ZBTB20: variants seen among roughly 807,000 people sequenced by gnomAD.
ZBTB20 encodes the protein zinc finger and BTB domain containing 20.
ZBTB20 carries 9 observed loss-of-function variants against 56.9 expected under a neutral mutation model. That is an observed-to-expected ratio of 0.16 (90% CI 0.10 to 0.28). The LOEUF (loss-of-function observed/expected upper bound fraction) is 0.28. Among genes scored for constraint, ZBTB20 ranks in the 10% least tolerant of loss-of-function variants. ZBTB20 has a pLI of 1.00. For missense variants in ZBTB20, 655 were observed against 1,003.0 expected (o/e 0.65, Z 4.69); for synonymous variants, 417 against 420.7 (o/e 0.99, Z 0.11).
chr3:114,551,151 T>G (rs1559948319), intron 6 of ZBTB20, among the ~76,000 whole-genome samples: 2 of 152,212 alleles, frequency 1.3e-5, no homozygotes, highest in East Asian at 3.8e-4. Flanking sequence ...AAATCGATTG[T>G]TTTTTAATCG....
intron 6 of ZBTB20, among the ~76,000 whole-genome samples, chr3:114,507,465 A>G (rs529991136): frequency 1.3e-5 from 2 of 152,326 alleles, no homozygotes; most frequent in East Asian, 3.9e-4. Context: ...TTTTTTGACT[A>G]TAAGAAAAGT....
intron 5 of ZBTB20, among the ~76,000 whole-genome samples, chr3:114,796,745 G>A (rs1401466106): frequency 2.0e-5 from 3 of 151,890 alleles, no homozygotes; most frequent in Non-Finnish European, 4.4e-5. Flanking sequence ...GTCAAAAGCA[G>A]GATGGTTTTT....
intron 5 of ZBTB20, among the ~76,000 whole-genome samples, chr3:114,789,147 G>A (rs996658218): frequency 1.3e-5 from 2 of 152,164 alleles, no homozygotes; most frequent in Non-Finnish European, 2.9e-5. Flanking sequence ...AGGATCTAAA[G>A]AGCAATTGTA....
At chr3:114,416,850 C>T (rs75653226) in intron 7 of ZBTB20, among the ~76,000 whole-genome samples, 10,658 of 151,996 alleles carry the variant, frequency 0.07, 460 homozygotes, top group East Asian at 0.18. Flanking sequence ...TTTTGTAGGT[C>T]ATTTATTTAC....
intron 7 of ZBTB20, among the ~76,000 whole-genome samples, chr3:114,450,262 G>A (rs942795116): frequency 6.6e-6 from 1 of 152,286 alleles, no homozygotes; most frequent in East Asian, 1.9e-4. Context: ...CGCATGCTCA[G>A]CAGGCAATTT....
intron 2 of ZBTB20, among the ~76,000 whole-genome samples, chr3:115,022,335 G>A (rs1350427287): frequency 1.3e-5 from 2 of 150,942 alleles, no homozygotes; most frequent in Admixed American, 6.6e-5. Flanking sequence ...ACCAAAATGA[G>A]TATTATTCTT....
intron 5 of ZBTB20, among the ~76,000 whole-genome samples, chr3:114,734,482 C>A (rs1012015417): frequency 4.0e-5 from 6 of 151,884 alleles, no homozygotes; most frequent in Admixed American, 3.3e-4. Context: ...TATTGCCATC[C>A]ATAGGTTCTT....
chr3:114,457,387 A>G (rs898441328), intron 7 of ZBTB20, among the ~76,000 whole-genome samples: 1 of 152,168 alleles, frequency 6.6e-6, no homozygotes, highest in Non-Finnish European at 1.5e-5. Context: ...ACAAAAGTGT[A>G]TATTATGGAT....
chr3:114,844,552 A>AAAAAAAAAATT (rs1560313408), intron 4 of ZBTB20, among the ~76,000 whole-genome samples: 1 of 140,832 alleles, frequency 7.1e-6, no homozygotes, highest in East Asian at 2.0e-4. Flanking sequence ...AAAAAAAAAA[A>AAAAAAAAAATT]CTTTCATTTC....
chr3:114,794,607 C>T (rs2071210018), intron 5 of ZBTB20, among the ~76,000 whole-genome samples: 1 of 152,070 alleles, frequency 6.6e-6, no homozygotes, highest in South Asian at 2.1e-4. Flanking sequence ...GCAGATAAAT[C>T]CTCATATCTT....
chr3:114,713,047 A>G (rs1489235215), intron 5 of ZBTB20, among the ~76,000 whole-genome samples: 2 of 152,238 alleles, frequency 1.3e-5, no homozygotes, highest in Admixed American at 1.3e-4. Flanking sequence ...AGGCATTACT[A>G]GGTTATAAGA....
intron 1 of ZBTB20, among the ~76,000 whole-genome samples, chr3:115,088,853 G>C (rs2083085530): frequency 6.6e-6 from 1 of 151,804 alleles, no homozygotes; most frequent in Non-Finnish European, 1.5e-5. Context: ...GATATGCCAT[G>C]AAATTGTTGT....
chr3:115,134,762 A>G (rs981757915), intron 1 of ZBTB20, among the ~76,000 whole-genome samples: 4 of 152,088 alleles, frequency 2.6e-5, no homozygotes, highest in Admixed American at 6.5e-5. Context: ...CTCACTTGCT[A>G]TGGGTCTCCT....
chr3:114,470,237 T>A (rs919054859), intron 7 of ZBTB20, among the ~76,000 whole-genome samples: 1 of 152,166 alleles, frequency 6.6e-6, no homozygotes, highest in Non-Finnish European at 1.5e-5. Context: ...AAAGACACTT[T>A]TATACTACTA....
chr3:114,461,038 C>T (rs557656098), intron 7 of ZBTB20, among the ~76,000 whole-genome samples: 3 of 152,094 alleles, frequency 2.0e-5, no homozygotes, highest in Non-Finnish European at 4.4e-5. Context: ...CACATTTGCC[C>T]ACCTCCTGTC....
At chr3:115,009,035 T>A (rs956454254) in intron 2 of ZBTB20, among the ~76,000 whole-genome samples, 5 of 151,892 alleles carry the variant, frequency 3.3e-5, no homozygotes, top group African/African-American at 1.2e-4. Flanking sequence ...TTATACGTTA[T>A]TGGACACATA....
rs141632470 is a variant in ZBTB20, at chr3:114,655,016, A to G, written c.-295+38512T>C. Among the ~76,000 whole-genome samples the G allele has an allele frequency of 3.8e-3, 585 of 152,132 alleles. 1 individual carries two copies. Among genetic ancestry groups the G allele is most frequent in the Admixed American group, 7.1e-3 (108 of 15,290 alleles). On this transcript the variant is annotated intron_variant, in intron 6 of 11. Transcript: ENST00000675478. ...ATATCTTTCTATCTTTTCACTCTCAAGATATCCATGTTATTACATTTAAAG... is the reference window on the plus strand; with the variant it reads ...ATATCTTTCTATCTTTTCACTCTCAGGATATCCATGTTATTACATTTAAAG...
At chr3:114,666,450 G>T (rs1304274317) in intron 6 of ZBTB20, among the ~76,000 whole-genome samples, 6 of 151,998 alleles carry the variant, frequency 3.9e-5, no homozygotes, top group Non-Finnish European at 8.8e-5. Flanking sequence ...GGCAACAAAG[G>T]AGATTAGCTA....
rs16823214 is a variant in ZBTB20 at position 114,774,138 on chromosome 3, G to A, written c.-343+26963C>T. Among the ~76,000 whole-genome samples the A allele has an allele frequency of 6.6e-3, 1,007 of 152,112 alleles. 13 individuals carry two copies. The highest frequency in any genetic ancestry group is 0.023 in the African/African-American group (944 of 41,500). On this transcript the variant is annotated intron_variant, in intron 5 of 11. Coordinates refer to ENST00000675478, the MANE Select transcript of ZBTB20 (RefSeq NM_001348800.3). ...GCTGAAAACAAATACTTTTGCAATC[G>A]ACTAGAAATAATTTTCACAGTAAAA...
Sources: gnomAD v4.1 joint callset for allele counts (sites outside exome capture counted in the v4.1 genomes callset) on GRCh38, gnomAD v4.1.1 for gene constraint, MANE v1.5 for transcripts, NCBI Gene and HGNC (gene_info 2026-07-23, HGNC 2026-07-21) for gene names.